The following NEIL3 variants were observed in gnomAD, a reference collection of about 807,000 sequenced individuals.
The protein encoded by NEIL3 is endonuclease 8-like 3.
Under a neutral mutation model 57.5 loss-of-function variants are expected in NEIL3, and 48 were observed. The observed-to-expected ratio is 0.83, with a 90% CI of 0.66 to 1.06. NEIL3 has a LOEUF of 1.06. NEIL3 is among the 50% of genes least tolerant of loss of function. The pLI, the probability that NEIL3 is intolerant of heterozygous loss-of-function variation, is 0.00. For missense variants in NEIL3, 717 were observed against 739.1 expected, an observed-to-expected ratio of 0.97 and a Z score of 0.35; for synonymous variants, 261 against 253.2, an observed-to-expected ratio of 1.03 and a Z score of -0.29.
At chr4:177,353,087 G>A (rs1049858298) in intron 7 of NEIL3, among the ~76,000 whole-genome samples, 1 of 151,982 alleles carries the variant, frequency 6.6e-6, no homozygotes, top group Non-Finnish European at 1.5e-5. Flanking sequence ...CCATGTCTGG[G>A]TTTCTGTAAG....
chr4:177,329,850 G>A (rs574068405), intron 2 of NEIL3, among the ~76,000 whole-genome samples: 1 of 152,120 alleles, frequency 6.6e-6, no homozygotes, highest in South Asian at 2.1e-4. Context: ...TGATATCATG[G>A]AAGAATCCTC....
At chr4:177,321,646 T>C (rs1338052286) in intron 1 of NEIL3, among the ~76,000 whole-genome samples, 1 of 152,196 alleles carries the variant, frequency 6.6e-6, no homozygotes, top group African/African-American at 2.4e-5. Context: ...TCTGCCTATA[T>C]GTTGTCATTC....
downstream of NEIL3, among the ~76,000 whole-genome samples, chr4:177,365,876 C>G (rs1168910200): frequency 6.6e-6 from 1 of 152,154 alleles, no homozygotes; most frequent in Admixed American, 6.5e-5. Flanking sequence ...AATCCAGAGT[C>G]TTCACCATAT....
chr4:177,340,489 A>G (rs1330260559), intron 5 of NEIL3, among the ~76,000 whole-genome samples: 1 of 152,192 alleles, frequency 6.6e-6, no homozygotes, highest in Non-Finnish European at 1.5e-5. Flanking sequence ...TTCTGTATCC[A>G]AAATTTTCAT....
At chr4:177,351,259 A>AC in intron 6 of NEIL3, 121 bp from the exon 7 acceptor site, 1 of 536,986 alleles carries the variant, frequency 1.9e-6, no homozygotes, top group Non-Finnish European at 3.2e-6. Context: ...TACAGTACTA[A>AC]CTTCCAAGCA....
intron 2 of NEIL3, among the ~76,000 whole-genome samples, chr4:177,329,172 A>G (rs1351987866): frequency 1.3e-5 from 2 of 152,162 alleles, no homozygotes; most frequent in African/African-American, 4.8e-5. Flanking sequence ...TGCTCAATCC[A>G]AAAGAATGCA....
At chr4:177,342,912 G>C (rs1735126545) in intron 6 of NEIL3, 1 of 152,150 alleles carries the variant, frequency 6.6e-6, no homozygotes, top group African/African-American at 2.4e-5. Context: ...TTTGGAGAAT[G>C]GTTAAGGTCT....
intron 2 of NEIL3, among the ~76,000 whole-genome samples, chr4:177,324,850 G>A (rs770622597): frequency 2.6e-5 from 4 of 152,080 alleles, no homozygotes; most frequent in East Asian, 1.9e-4. Flanking sequence ...TAGTGTGTGC[G>A]AATGTTTATA....
intron 8 of NEIL3, among the ~76,000 whole-genome samples, chr4:177,358,105 A>G (rs999468936): frequency 5.9e-5 from 9 of 152,156 alleles, no homozygotes; most frequent in Admixed American, 3.9e-4. Context: ...ACGTTACTTC[A>G]GTGCTTCATA....
chr4:177,370,746 CA>C, the NEIL3 span, among the ~76,000 whole-genome samples: 8 of 151,970 alleles, frequency 5.3e-5, no homozygotes, highest in Non-Finnish European at 1.0e-4. Flanking sequence ...ACTAAAAATA[CA>C]AAAACTAGTC....
chr4:177,362,412 T>C lies in NEIL3; in HGVS notation c.1759T>C (p.Cys587Arg). 5 of 1,613,374 alleles carry C rather than the reference T, an allele frequency of 3.1e-6. No individual in the cohort carries two copies. The highest frequency in any genetic ancestry group is 4.2e-6 in the Non-Finnish European group (5 of 1,179,718). Residue 587 changes from cysteine to arginine, a missense_variant, in exon 10 of 10, where the codon TGC (cysteine) becomes CGC (arginine). Physicochemically the swap from Cys to Arg is radical, Grantham distance 180. Coordinates refer to ENST00000264596, the MANE Select transcript of NEIL3 (RefSeq NM_018248.3). ...FVCPLGKEKQ[C>R]NFFQWAENGP... is the part of the protein sequence containing the mutation. The stretch of plus-strand genomic sequence containing the variant: ...GTGTCCTCTTGGGAAGGAAAAACAA[T>C]GCAATTTTTTCCAGTGGGCAGAAAA...
intron 1 of NEIL3, among the ~76,000 whole-genome samples, chr4:177,315,085 A>T (rs1734549837): frequency 6.6e-6 from 1 of 152,002 alleles, no homozygotes; most frequent in Non-Finnish European, 1.5e-5. Flanking sequence ...AAAAAAAAAA[A>T]AAAATGTGTT....
At chr4:177,365,151 C>T (rs1735677196), downstream of NEIL3, among the ~76,000 whole-genome samples, 1 of 152,136 alleles carries the variant, frequency 6.6e-6, no homozygotes, top group Non-Finnish European at 1.5e-5. Flanking sequence ...AGTTGGCATG[C>T]TCTCCACATG....
the NEIL3 span, among the ~76,000 whole-genome samples, chr4:177,369,742 C>T: frequency 6.6e-6 from 1 of 152,252 alleles, no homozygotes; most frequent in African/African-American, 2.4e-5. Flanking sequence ...ACCTCGATCT[C>T]AATGTTTGAA....
chr4:177,353,181 T>C (rs963469847), intron 7 of NEIL3, 127 bp from the exon 8 acceptor site: 1 of 712,174 alleles, frequency 1.4e-6, no homozygotes, highest in African/African-American at 1.8e-5. Context: ...CTTTGTGTTA[T>C]TAGTTCTATA....
chr4:177,368,307 TA>T, the NEIL3 span, among the ~76,000 whole-genome samples: 2 of 152,208 alleles, frequency 1.3e-5, no homozygotes, highest in Admixed American at 1.3e-4. Flanking sequence ...ATTTTATTTT[TA>T]AAAATCCACC....
intron 9 of NEIL3, 90 bp downstream of exon 9, chr4:177,360,767 C>A: frequency 1.0e-6 from 1 of 1,003,600 alleles, no homozygotes; most frequent in Non-Finnish European, 1.4e-6. Context: ...CCTAGTTTTA[C>A]CTTTTACCTT....
chr4:177,318,984 A>G (rs1173531115), intron 1 of NEIL3, among the ~76,000 whole-genome samples: 1 of 152,198 alleles, frequency 6.6e-6, no homozygotes, highest in Non-Finnish European at 1.5e-5. Flanking sequence ...GGGGAGGAGG[A>G]TCATCTTTCC....
rs115664852 is a variant in NEIL3 at position 177,318,270 on chromosome 4, G to T, written c.157-4189G>T. 6.6e-3 allele frequency among the ~76,000 whole-genome samples: 1,007 copies of T among 152,160 alleles called. 8 individuals are homozygous for T. Among genetic ancestry groups the T allele is most frequent in the African/African-American group, 0.023 (956 of 41,510 alleles). On this transcript the variant is annotated intron_variant, in intron 1 of 9. Coordinates refer to ENST00000264596, the MANE Select transcript of NEIL3 (RefSeq NM_018248.3). ...AATATTGGGGTAAAAAGAAGTTGAG[G>T]TTTCCATTAAGAACCCTTACTTTTG...
Sources: allele counts gnomAD v4.1 joint callset (sites outside exome capture counted in the v4.1 genomes callset), GRCh38; gene constraint gnomAD v4.1.1; transcripts MANE v1.5; gene names NCBI Gene and HGNC (gene_info 2026-07-23, HGNC 2026-07-21).